MYRFL: variants seen among roughly 807,000 people sequenced by gnomAD.
MYRFL encodes the protein myelin regulatory factor-like protein.
Under a neutral mutation model 109.4 loss-of-function variants are expected in MYRFL, and 88 were observed. The observed-to-expected ratio is 0.80, with a 90% CI of 0.68 to 0.96. MYRFL has a LOEUF of 0.96. MYRFL is among the 40% of genes least tolerant of loss of function. The pLI is 0.00. For synonymous variants in MYRFL, 324 were observed against 320.9 expected, an observed-to-expected ratio of 1.01 and a Z score of -0.10; for missense variants, 957 against 954.9, an observed-to-expected ratio of 1.00 and a Z score of -0.03.
At chr12:69,878,678 G>A (rs1484963309) in intron 2 of MYRFL, among the ~76,000 whole-genome samples, 1 of 152,052 alleles carries the variant, frequency 6.6e-6, no homozygotes, top group Non-Finnish European at 1.5e-5. Flanking sequence ...ATGTTAATGG[G>A]CTTTATATAC....
intron 2 of MYRFL, among the ~76,000 whole-genome samples, 182 bp downstream of exon 2, chr12:69,855,552 G>A (rs2136322499): frequency 6.6e-6 from 1 of 152,278 alleles, no homozygotes; most frequent in Admixed American, 6.5e-5. Context: ...AGAAATTCCA[G>A]TCATTCCTCA....
chr12:69,895,674 C>A (rs1183463023), intron 9 of MYRFL, among the ~76,000 whole-genome samples, 193 bp downstream of exon 9: 1 of 152,162 alleles, frequency 6.6e-6, no homozygotes, highest in African/African-American at 2.4e-5. Flanking sequence ...CTTCTCCCAA[C>A]CCCATGCCCT....
chr12:69,836,255 C>G (rs906476084), intron 1 of MYRFL, among the ~76,000 whole-genome samples: 1 of 152,174 alleles, frequency 6.6e-6, no homozygotes, highest in South Asian at 2.1e-4. Flanking sequence ...ATGTGCTCCT[C>G]TTGCCCTCCA....
intron 1 of MYRFL, among the ~76,000 whole-genome samples, chr12:69,851,767 A>G (rs1883886886): frequency 6.6e-6 from 1 of 152,132 alleles, no homozygotes; most frequent in South Asian, 2.1e-4. Context: ...CAGAAGAACC[A>G]CCCACCTTAG....
chr12:69,861,969 C>T (rs1263192295), intron 2 of MYRFL, among the ~76,000 whole-genome samples: 1 of 150,458 alleles, frequency 6.6e-6, no homozygotes, highest in Admixed American at 6.6e-5. Context: ...CTACATATGG[C>T]TAGCCAGTTT....
chr12:69,936,616 T>A lies in MYRFL; in HGVS notation c.2208T>A (p.His736Gln). ...GACAATCTGAGGAGAAGGAATTCCA[T>A]CAGAGGCGATGGTCAGGTAAATGAT... is the stretch of plus-strand genomic sequence containing the variant. ...VQRQSEEKEF[H>Q]QRRWSEDKSK... is the part of the protein sequence containing the mutation. Residue 736 changes from histidine to glutamine, a missense_variant, in exon 19 of 25, where the codon CAT (histidine) becomes CAA (glutamine). Coordinates refer to ENST00000552032, the MANE Select transcript of MYRFL (RefSeq NM_182530.3). 1 of 1,528,104 alleles carries A rather than the reference T, an allele frequency of 6.5e-7. No individual in the cohort carries two copies. Among genetic ancestry groups the A allele is most frequent in the Non-Finnish European group, 8.8e-7 (1 of 1,141,892 alleles). The allele number at this position is 1,528,104 out of a possible 1,614,324, so 94.7% of individuals were successfully genotyped here.
At chr12:69,876,592 C>T (rs751815965) in intron 2 of MYRFL, among the ~76,000 whole-genome samples, 1 of 152,064 alleles carries the variant, frequency 6.6e-6, no homozygotes, top group South Asian at 2.1e-4. Flanking sequence ...ATTGTTTGTT[C>T]GTGTTTAAAA....
chr12:69,907,557 G>A (rs1385698646), intron 11 of MYRFL, among the ~76,000 whole-genome samples: 4 of 152,198 alleles, frequency 2.6e-5, no homozygotes, highest in Non-Finnish European at 5.9e-5. Context: ...CTGAGGAACT[G>A]GGTAGGGCCT....
rs142728822 is a variant in MYRFL at position 69,841,094 on chromosome 12, C to T, written c.47-14186C>T. On this transcript the variant is annotated intron_variant, in intron 1 of 24. Coordinates refer to ENST00000552032, the MANE Select transcript of MYRFL (RefSeq NM_182530.3). ...TCTTGGGTCAGTGTAAAACTATCTGCACAAGGAGACTGGGAGATTCCCAGG... is the reference window on the plus strand; with the variant it reads ...TCTTGGGTCAGTGTAAAACTATCTGTACAAGGAGACTGGGAGATTCCCAGG... Among the ~76,000 whole-genome samples, 240 of 152,270 alleles carry T rather than the reference C, an allele frequency of 1.6e-3. 3 individuals are homozygous for T. Among genetic ancestry groups the T allele is most frequent in the African/African-American group, 5.6e-3 (232 of 41,560 alleles).
At chr12:69,850,009 T>C (rs1375829358) in intron 1 of MYRFL, among the ~76,000 whole-genome samples, 1 of 152,148 alleles carries the variant, frequency 6.6e-6, no homozygotes, top group East Asian at 1.9e-4. Flanking sequence ...GGGAGGGACC[T>C]GGTGGGAGAT....
rs190858231 is a variant in MYRFL, at chr12:69,933,188, C to T, written c.1916+590C>T. 3.9e-5 allele frequency among the ~76,000 whole-genome samples: 6 copies of T among 152,298 alleles called. No individual in the cohort carries two copies. The East Asian group carries it at 1.2e-3, about 29-fold the overall frequency. Reference sequence around the variant, plus strand: ...GCTATGCAAATTGGGCAACTTTTGACACCATCCCGCCTCTGCAGCCCGCAA... The same window carrying T: ...GCTATGCAAATTGGGCAACTTTTGATACCATCCCGCCTCTGCAGCCCGCAA... On this transcript the variant is annotated intron_variant, in intron 16 of 24. Coordinates refer to ENST00000552032, the MANE Select transcript of MYRFL (RefSeq NM_182530.3).
chr12:69,836,573 T>C (rs573792423), intron 1 of MYRFL, among the ~76,000 whole-genome samples: 1 of 152,302 alleles, frequency 6.6e-6, no homozygotes, highest in Admixed American at 6.5e-5. Context: ...AAGAGTAAGA[T>C]CTAGCTGTTA....
chr12:69,927,653 G>A (rs1410708890), intron 14 of MYRFL, 32 bp from the exon 15 acceptor site: 2 of 1,506,426 alleles, frequency 1.3e-6, no homozygotes, highest in African/African-American at 2.8e-5. Context: ...AGAGGTATTT[G>A]AATAGTAACC....
intron 13 of MYRFL, among the ~76,000 whole-genome samples, chr12:69,919,704 A>G (rs1954846683): frequency 6.6e-6 from 1 of 152,226 alleles, no homozygotes; most frequent in African/African-American, 2.4e-5. Context: ...AACAATTGCC[A>G]GACACACCCA....
At chr12:69,849,062 G>A (rs1265963029) in intron 1 of MYRFL, among the ~76,000 whole-genome samples, 1 of 152,122 alleles carries the variant, frequency 6.6e-6, no homozygotes, top group Non-Finnish European at 1.5e-5. Context: ...AGTAGAGACA[G>A]GGTTTCACCA....
At chr12:69,895,940 A>G (rs11177937) in intron 9 of MYRFL, among the ~76,000 whole-genome samples, 48,379 of 152,088 alleles carry the variant, frequency 0.32, 7,989 homozygotes, top group African/African-American at 0.37. Flanking sequence ...ATGGAAACTC[A>G]TTAAAAATGC....
chr12:69,919,246 C>G (rs184591606), intron 13 of MYRFL, among the ~76,000 whole-genome samples: 1 of 152,256 alleles, frequency 6.6e-6, no homozygotes, highest in East Asian at 1.9e-4. Context: ...CTTGGTAAGA[C>G]AAGAAATCAT....
intron 1 of MYRFL, among the ~76,000 whole-genome samples, chr12:69,847,043 T>C (rs1226547731): frequency 6.6e-6 from 1 of 151,930 alleles, no homozygotes; most frequent in East Asian, 1.9e-4. Context: ...TTTGATGGGG[T>C]TGTTTGTTTT....
intron 1 of MYRFL, 49 bp from the exon 2 acceptor site, chr12:69,855,231 C>T: frequency 1.4e-6 from 1 of 689,730 alleles, no homozygotes; most frequent in Non-Finnish European, 2.6e-6. Flanking sequence ...TAGCCATTGG[C>T]CATACTGAAA....
Sources: gnomAD v4.1 joint callset for allele counts (sites outside exome capture counted in the v4.1 genomes callset) on GRCh38, gnomAD v4.1.1 for gene constraint, MANE v1.5 for transcripts, NCBI Gene and HGNC (gene_info 2026-07-23, HGNC 2026-07-21) for gene names.